Variants in EPS15 observed in about 807,000 individuals in gnomAD.
EPS15 encodes the protein epidermal growth factor receptor substrate 15.
A neutral mutation model predicts 113.8 loss-of-function variants in EPS15; 72 were observed. The observed-to-expected ratio is 0.63, with a 90% CI of 0.52 to 0.77. The LOEUF is 0.77. Among genes scored for constraint, EPS15 ranks in the 30% least tolerant of loss-of-function variants. The pLI, the probability that EPS15 is intolerant of heterozygous loss-of-function variation, is 0.00. For missense variants in EPS15, 1,048 were observed against 1,045.8 expected (o/e 1.00, Z -0.03); for synonymous variants, 344 against 363.4 (o/e 0.95, Z 0.61).
chr1:51,402,325 C>T lies in EPS15; in HGVS notation c.1882+110G>A, dbSNP rs551579149. On this transcript the variant is annotated intron_variant, in intron 18 of 24. Transcript: ENST00000371733. ...TCGTGCCACTGCACTCCAGCCTGGG[C>T]GACAGACTGAGTTGGTAGGCTATTG... 8.0e-4 allele frequency: 431 copies of T among 537,824 alleles called. 3 individuals are homozygous for T. The highest frequency in any genetic ancestry group is 7.5e-3 in the African/African-American group (371 of 49,784). The allele number at this position is 537,824 out of a possible 1,614,324, so 33.3% of individuals were successfully genotyped here.
At chr1:51,473,694 C>A (rs1655404376) in intron 2 of EPS15, among the ~76,000 whole-genome samples, 1 of 152,060 alleles carries the variant, frequency 6.6e-6, no homozygotes, top group Admixed American at 6.6e-5. Flanking sequence ...TTTAAAAAGT[C>A]ATGGGAAAGG....
intron 1 of EPS15, among the ~76,000 whole-genome samples, chr1:51,485,624 G>A (rs1644105583): frequency 6.6e-6 from 1 of 152,134 alleles, no homozygotes; most frequent in Admixed American, 6.5e-5. Flanking sequence ...AAAACCTTCA[G>A]CTTTTGAAGC....
chr1:51,422,945 C>T (rs1202403792), intron 12 of EPS15, among the ~76,000 whole-genome samples: 1 of 152,150 alleles, frequency 6.6e-6, no homozygotes. Context: ...AGACATAACC[C>T]AAAATGTAAG....
Position 51,454,248 on chromosome 1 carries a change from T to G in EPS15, c.562-6113A>C, listed in dbSNP as rs562727516. 2.6e-5 allele frequency among the ~76,000 whole-genome samples: 4 copies of G among 152,238 alleles called. No homozygotes were observed. The South Asian group carries it at 6.2e-4, about 24-fold the overall frequency. ...CAAACAAATATTACTGACAAAAGCT[T>G]AAGCCACTTTCAGTCTAAGAACTTA... is the stretch of plus-strand genomic sequence containing the variant. On this transcript the variant is annotated intron_variant, in intron 8 of 24. Coordinates refer to ENST00000371733, the MANE Select transcript of EPS15 (RefSeq NM_001981.3).
intron 1 of EPS15, among the ~76,000 whole-genome samples, chr1:51,514,351 T>C (rs1350386880): frequency 6.6e-6 from 1 of 152,036 alleles, no homozygotes; most frequent in African/African-American, 2.4e-5. Context: ...TTGGTTTTGG[T>C]TTCCAGAGTA....
intron 21 of EPS15, among the ~76,000 whole-genome samples, chr1:51,383,350 A>G (rs1448321139): frequency 1.3e-5 from 2 of 152,182 alleles, no homozygotes; most frequent in Non-Finnish European, 2.9e-5. Flanking sequence ...TACCATTTCT[A>G]CCACTTCTAT....
chr1:51,416,962 T>C (rs770982975), intron 13 of EPS15, among the ~76,000 whole-genome samples: 68 of 152,002 alleles, frequency 4.5e-4, no homozygotes, highest in Middle Eastern at 3.4e-3. Flanking sequence ...ATTCTTAACA[T>C]TAAAAATGTA....
At chr1:51,414,804 A>G (rs1332579800) in intron 13 of EPS15, among the ~76,000 whole-genome samples, 1 of 152,234 alleles carries the variant, frequency 6.6e-6, no homozygotes, top group African/African-American at 2.4e-5. Flanking sequence ...TGTCTAGGAC[A>G]TGATACTAAG....
At chr1:51,478,858 A>T (rs1643966647) in intron 2 of EPS15, among the ~76,000 whole-genome samples, 1 of 152,208 alleles carries the variant, frequency 6.6e-6, no homozygotes, top group Non-Finnish European at 1.5e-5. Context: ...TTTGTGGGTA[A>T]CGCGACCTTT....
At chr1:51,374,381 C>T (rs1452422404) in intron 21 of EPS15, among the ~76,000 whole-genome samples, 1 of 152,138 alleles carries the variant, frequency 6.6e-6, no homozygotes, top group East Asian at 1.9e-4. Context: ...CTTTGGGAGG[C>T]TAAGGCGGGT....
chr1:51,519,214 C>G lies in EPS15; in HGVS notation c.18G>C (p.Gln6His), dbSNP rs766653340. The G allele has an allele frequency of 8.2e-6, 11 of 1,348,368 alleles. No individual in the cohort carries two copies. The African/African-American group carries it at 1.2e-4, about 15-fold the overall frequency. The allele number at this position is 1,348,368 out of a possible 1,614,324, so 83.5% of individuals were successfully genotyped here. The change falls in exon 1 of 25, where the codon CAG (glutamine) becomes CAC (histidine). Residue 6 changes from glutamine to histidine, a missense_variant. Gln to His is a conservative substitution (Grantham distance 24, BLOSUM62 0). Transcript: ENST00000371733. MAAAAQLSLTQLSSGN... is the reference protein window; with the variant it reads MAAAAHLSLTQLSSGN... The stretch of plus-strand genomic sequence containing the variant: ...GTGGCGTTACCTGTGTCAGAGAGAG[C>G]TGGGCCGCCGCAGCCATGGTGTTTC...
chr1:51,361,269 T>C lies in EPS15; in HGVS notation c.2446A>G (p.Lys816Glu). 1 of 1,613,908 alleles carries C rather than the reference T, an allele frequency of 6.2e-7. No individual in the cohort carries two copies. The highest frequency in any genetic ancestry group is 8.5e-7 in the Non-Finnish European group (1 of 1,179,796). The change falls in exon 24 of 25, where the codon AAA becomes GAA. Residue 816 changes from lysine to glutamate, a missense_variant. By Grantham distance (56) the Lys-to-Glu change is moderately conservative. Transcript: ENST00000371733. The stretch of plus-strand genomic sequence containing the variant: ...CAAAATATTTCAGGATCTTTTTCTT[T>C]GGGGCTATCGTTGCCTGGGAAAGGC... ...FQPFPGNDSP[K>E]EKDPEIFCDP...
chr1:51,492,509 A>C (rs1002008523), intron 1 of EPS15, among the ~76,000 whole-genome samples: 2 of 152,236 alleles, frequency 1.3e-5, no homozygotes, highest in Non-Finnish European at 2.9e-5. Flanking sequence ...AGTACAGAAA[A>C]TACTACTGAA....
rs199962316 is a variant in EPS15 at position 51,440,414 on chromosome 1, G to A, written c.973C>T (p.Pro325Ser). 7.7e-5 allele frequency: 121 copies of A among 1,577,548 alleles called. 1 individual carries two copies. The highest frequency in any genetic ancestry group is 1.0e-4 in the South Asian group (9 of 88,548). The change falls in exon 12 of 25, where the codon CCT becomes TCT. Residue 325 changes from proline to serine, a missense_variant. Coordinates refer to ENST00000371733, the MANE Select transcript of EPS15 (RefSeq NM_001981.3). ...TTAATAGCAGAGAAATCTGCAACAG[G>A]ACTTGATCCTATGATGTTCTAAAAA... ...SLQKNIIGSS[P>S]VADFSAIKEL...
intron 20 of EPS15, among the ~76,000 whole-genome samples, chr1:51,398,509 A>G (rs527723229): frequency 1.3e-5 from 2 of 151,942 alleles, no homozygotes; most frequent in Non-Finnish European, 2.9e-5. Context: ...ATGAATGTAA[A>G]GCACACACCA....
chr1:51,423,751 G>A (rs1188679500), intron 12 of EPS15: 1 of 984,926 alleles, frequency 1.0e-6, no homozygotes, highest in African/African-American at 1.7e-5. Context: ...AGAAGCCAGT[G>A]AGCTGACTCA....
At chr1:51,508,240 A>AAAGAAAG (rs1644539008) in intron 1 of EPS15, among the ~76,000 whole-genome samples, 1 of 77,750 alleles carries the variant, frequency 1.3e-5, no homozygotes, top group African/African-American at 5.6e-5. Context: ...AAAGAAAAGA[A>AAAGAAAG]AGAGAGAAAG....
intron 21 of EPS15, among the ~76,000 whole-genome samples, chr1:51,375,841 A>C (rs1044796615): frequency 1.3e-5 from 2 of 152,228 alleles, no homozygotes; most frequent in Non-Finnish European, 2.9e-5. Context: ...AACCAACATA[A>C]ATACATAAAT....
At chr1:51,443,316 C>T (rs182276866) in intron 11 of EPS15, among the ~76,000 whole-genome samples, 67 of 150,964 alleles carry the variant, frequency 4.4e-4, no homozygotes, top group African/African-American at 1.6e-3. Flanking sequence ...AAAAAAAAAG[C>T]AGTCTGCATA....
Sources: gnomAD v4.1 joint callset for allele counts (sites outside exome capture counted in the v4.1 genomes callset) on GRCh38, gnomAD v4.1.1 for gene constraint, MANE v1.5 for transcripts, NCBI Gene and HGNC (gene_info 2026-07-23, HGNC 2026-07-21) for gene names.